The following MYT1L variants were observed in gnomAD, a reference collection of about 807,000 sequenced individuals.
MYT1L encodes myelin transcription factor 1-like protein.
A neutral mutation model predicts 126.7 loss-of-function variants in MYT1L; 12 were observed. That is an observed-to-expected ratio of 0.09 (90% CI 0.06 to 0.15). MYT1L has a LOEUF of 0.15. MYT1L is among the 10% of genes least tolerant of loss of function. The pLI is 1.00. For missense variants in MYT1L, 979 were observed against 1,585.2 expected (o/e 0.62, Z 6.49); for synonymous variants, 541 against 604.2 (o/e 0.90, Z 1.53).
intron 3 of MYT1L, among the ~76,000 whole-genome samples, chr2:2,110,463 A>G (rs2079285548): frequency 6.6e-6 from 1 of 151,718 alleles, no homozygotes; most frequent in Non-Finnish European, 1.5e-5. Context: ...ATAACCTCCA[A>G]GTTTCCCAAA....
intron 2 of MYT1L, among the ~76,000 whole-genome samples, chr2:2,180,114 T>C (rs1031186558): frequency 2.0e-5 from 3 of 152,176 alleles, no homozygotes; most frequent in Non-Finnish European, 4.4e-5. Context: ...AGATGGGGAT[T>C]GCACCTGTTC....
At chr2:2,008,685 G>T (rs1166008912) in intron 4 of MYT1L, among the ~76,000 whole-genome samples, 2 of 151,914 alleles carry the variant, frequency 1.3e-5, no homozygotes, top group East Asian at 3.9e-4. Context: ...TTATGGTTTT[G>T]TGTAGTCCAT....
At chr2:1,915,794 TAAG>T (rs1203891216) in intron 11 of MYT1L, among the ~76,000 whole-genome samples, 5 of 152,214 alleles carry the variant, frequency 3.3e-5, no homozygotes, top group African/African-American at 4.8e-5. Flanking sequence ...CAGATTTGTT[TAAG>T]AAGATATGGC....
intron 2 of MYT1L, among the ~76,000 whole-genome samples, chr2:2,215,782 G>C (rs919201736): frequency 6.6e-6 from 1 of 152,134 alleles, no homozygotes; most frequent in African/African-American, 2.4e-5. Flanking sequence ...TTGGATATTT[G>C]TCCCTGCCCA....
chr2:2,236,783 TCTTCTTCTTCTTCTTCTTCTTCTTC>T (rs2094322738), intron 2 of MYT1L, among the ~76,000 whole-genome samples: 3 of 19,922 alleles, frequency 1.5e-4, no homozygotes, highest in Non-Finnish European at 1.7e-4. Flanking sequence ...TTCTTCTTCT[TCTTCTTCTTCTTCTTCTTCTTCTTC>T]TTCTTCTTTT....
At position 1,891,946 on chromosome 2, in the gene MYT1L, T is replaced by C. The variant is rs950152541; in HGVS notation, c.2283+91A>G. On this transcript the variant is annotated intron_variant, in intron 15 of 24. Coordinates refer to ENST00000647738, the MANE Select transcript of MYT1L (RefSeq NM_001303052.2). ...GATCACGGCGTTTGCCCCATACAGC[T>C]GCCCCGAAAGCGCCGCGTGTCTCGG... 40 of 1,436,238 alleles carry C rather than the reference T, an allele frequency of 2.8e-5. No individual in the cohort carries two copies. In the African/African-American group the frequency reaches 3.3e-4, roughly 12 times the overall value. The allele number at this position is 1,436,238 out of a possible 1,614,324, so 89.0% of individuals were successfully genotyped here.
chr2:2,172,450 T>C (rs2090182429), intron 3 of MYT1L, among the ~76,000 whole-genome samples: 1 of 152,220 alleles, frequency 6.6e-6, no homozygotes, highest in Non-Finnish European at 1.5e-5. Flanking sequence ...CAAAGGACTC[T>C]TTTTGGCATG....
At chr2:1,919,469 C>T (rs1573571474) in intron 10 of MYT1L, among the ~76,000 whole-genome samples, 2 of 152,154 alleles carry the variant, frequency 1.3e-5, no homozygotes, top group South Asian at 4.1e-4. Flanking sequence ...TTAGAGCAGG[C>T]AATTGGGTAG....
intron 2 of MYT1L, among the ~76,000 whole-genome samples, chr2:2,232,528 T>C (rs528335829): frequency 2.0e-5 from 3 of 152,338 alleles, no homozygotes; most frequent in Admixed American, 2.0e-4. Flanking sequence ...CAATTACTTC[T>C]CAAGGCTTCT....
chr2:1,847,278 T>C (rs987163374), intron 19 of MYT1L, among the ~76,000 whole-genome samples: 2 of 152,190 alleles, frequency 1.3e-5, no homozygotes, highest in African/African-American at 4.8e-5. Context: ...TTCTGGTACA[T>C]AGCAGGTGCC....
At chr2:1,925,603 G>A (rs1047363599) in intron 9 of MYT1L, among the ~76,000 whole-genome samples, 1 of 152,130 alleles carries the variant, frequency 6.6e-6, no homozygotes. Context: ...TTCACACAGG[G>A]TCACAGCCAT....
intron 2 of MYT1L, among the ~76,000 whole-genome samples, chr2:2,197,892 A>G (rs927847276): frequency 6.8e-6 from 1 of 147,490 alleles, no homozygotes; most frequent in African/African-American, 2.5e-5. Context: ...CACACACACA[A>G]CGAATGTGTA....
intron 2 of MYT1L, among the ~76,000 whole-genome samples, chr2:2,178,092 C>T (rs2091028203): frequency 1.3e-5 from 2 of 151,930 alleles, no homozygotes; most frequent in South Asian, 4.1e-4. Flanking sequence ...TTTATATAAA[C>T]AGACTGTAAT....
In MYT1L at chr2:1,910,250, G is replaced by A; in HGVS notation, c.1807C>T (p.Arg603Cys). ...ACTCCTGCTGGGTACCTGAGCACGC[G>A]GTCCGAGGCCTGGCTGGACTTGGAC... ...DVSKSSQASDRVLRPMCFVKQ... is the reference protein window; with the variant it reads ...DVSKSSQASDCVLRPMCFVKQ... The change falls in exon 13 of 25, where the codon CGC (arginine) becomes TGC (cysteine). Residue 603 changes from arginine (R) to cysteine (C), a missense_variant. This residue lies in a region of MYT1L where 82 missense variants were observed against 177.2 expected (regional missense o/e 0.46). Coordinates refer to ENST00000647738, the MANE Select transcript of MYT1L (RefSeq NM_001303052.2). This position sits in a 1 kb window ranked among gnomAD's most constrained non-coding sequence, Gnocchi z 4.8. 1 of 1,613,022 alleles carries A rather than the reference G, an allele frequency of 6.2e-7. No homozygotes were observed. The highest frequency in any genetic ancestry group is 8.5e-7 in the Non-Finnish European group (1 of 1,179,846).
intron 2 of MYT1L, among the ~76,000 whole-genome samples, chr2:2,176,713 G>T (rs141502842): frequency 0.036 from 5,413 of 152,062 alleles, 317 homozygotes; most frequent in African/African-American, 0.12. Context: ...TGGCCAGGCT[G>T]GTCTCAAACT....
chr2:2,191,105 G>A (rs752231826), intron 2 of MYT1L, among the ~76,000 whole-genome samples: 9 of 152,174 alleles, frequency 5.9e-5, no homozygotes, highest in Non-Finnish European at 1.2e-4. Context: ...TTTTAAGTGA[G>A]GTCTTGCTTG....
intron 14 of MYT1L, among the ~76,000 whole-genome samples, chr2:1,893,539 G>A (rs974966679): frequency 5.9e-5 from 9 of 152,084 alleles, no homozygotes; most frequent in African/African-American, 1.2e-4. Context: ...AGTCCTAATC[G>A]GCAAAGCTCC....
intron 14 of MYT1L, among the ~76,000 whole-genome samples, chr2:1,901,716 T>C (rs1025968485): frequency 8.5e-5 from 13 of 152,248 alleles, no homozygotes; most frequent in Admixed American, 2.6e-4. Context: ...TTTAACTAAG[T>C]ACCTTTTTCT....
intron 8 of MYT1L, among the ~76,000 whole-genome samples, chr2:1,966,176 C>G (rs1027254822): frequency 1.3e-5 from 2 of 152,236 alleles, no homozygotes; most frequent in Admixed American, 6.5e-5. Flanking sequence ...TGGCAAAAAC[C>G]ATGCCCAGGA....
Sources: allele counts gnomAD v4.1 joint callset (sites outside exome capture counted in the v4.1 genomes callset), GRCh38; gene constraint gnomAD v4.1.1; regional missense constraint gnomAD v4.1.1; non-coding constraint Gnocchi (gnomAD v3.1); transcripts MANE v1.5; gene names NCBI Gene and HGNC (gene_info 2026-07-23, HGNC 2026-07-21).